The following PTPRG variants were observed in gnomAD, a reference collection of about 807,000 sequenced individuals.
The protein encoded by PTPRG is protein tyrosine phosphatase receptor type G.
Under a neutral mutation model 165.3 loss-of-function variants are expected in PTPRG, and 102 were observed. The ratio of observed to expected loss-of-function variants is 0.62; its 90% CI spans 0.53 to 0.73. The LOEUF is 0.73. Among genes scored for constraint, PTPRG ranks in the 30% least tolerant of loss-of-function variants. PTPRG has a pLI of 0.00. For missense variants in PTPRG, 1,866 were observed against 1,861.4 expected, an observed-to-expected ratio of 1.00 and a Z score of -0.05; for synonymous variants, 675 against 669.5, an observed-to-expected ratio of 1.01 and a Z score of -0.13.
At chr3:61,870,231 G>C (rs1352144624) in intron 2 of PTPRG, among the ~76,000 whole-genome samples, 1 of 151,810 alleles carries the variant, frequency 6.6e-6, no homozygotes, top group Non-Finnish European at 1.5e-5. Flanking sequence ...TAGCTTTTCT[G>C]TTGGGGAACT....
At chr3:62,002,872 T>C (rs2041207504) in intron 3 of PTPRG, among the ~76,000 whole-genome samples, 1 of 152,216 alleles carries the variant, frequency 6.6e-6, no homozygotes, top group Non-Finnish European at 1.5e-5. Flanking sequence ...TTTCCTGATA[T>C]CTTGCCTACA....
chr3:61,830,508 A>T (rs1252921901), intron 2 of PTPRG, among the ~76,000 whole-genome samples: 1 of 148,058 alleles, frequency 6.8e-6, no homozygotes, highest in Non-Finnish European at 1.5e-5. Context: ...CAATGTTCTC[A>T]TCTTTGAATC....
At chr3:61,597,816 TGTTA>T (rs1700741570) in intron 1 of PTPRG, among the ~76,000 whole-genome samples, 2 of 152,258 alleles carry the variant, frequency 1.3e-5, no homozygotes, top group Admixed American at 6.5e-5. Context: ...GAGTGATTTG[TGTTA>T]GTTGTCATTA....
At chr3:61,986,682 G>A (rs865855435) in intron 2 of PTPRG, among the ~76,000 whole-genome samples, 7 of 152,052 alleles carry the variant, frequency 4.6e-5, no homozygotes, top group Admixed American at 2.0e-4. Context: ...TTGAGAACAC[G>A]GACTTGTGTA....
At chr3:61,965,037 G>A (rs1042634964) in intron 2 of PTPRG, among the ~76,000 whole-genome samples, 2 of 152,160 alleles carry the variant, frequency 1.3e-5, no homozygotes, top group Non-Finnish European at 2.9e-5. Context: ...GAGGTCAGGA[G>A]TCCGAGACCA....
At chr3:62,042,457 C>T (rs536893414) in intron 4 of PTPRG, among the ~76,000 whole-genome samples, 1 of 152,302 alleles carries the variant, frequency 6.6e-6, no homozygotes, top group African/African-American at 2.4e-5. Context: ...AGACTTATTT[C>T]AGGTATTACT....
intron 1 of PTPRG, among the ~76,000 whole-genome samples, chr3:61,672,730 T>C (rs75090275): frequency 0.096 from 5,723 of 59,414 alleles, 260 homozygotes; most frequent in African/African-American, 0.22. Flanking sequence ...AGAGGGAGAC[T>C]GTGGGGAGAG....
At chr3:61,845,918 T>A (rs2036793571) in intron 2 of PTPRG, among the ~76,000 whole-genome samples, 1 of 152,126 alleles carries the variant, frequency 6.6e-6, no homozygotes. Flanking sequence ...ACCTGATAGG[T>A]GCTTGGTGAA....
chr3:62,017,670 C>T (rs1045919950), intron 4 of PTPRG, among the ~76,000 whole-genome samples: 2 of 151,354 alleles, frequency 1.3e-5, no homozygotes, highest in South Asian at 2.1e-4. Flanking sequence ...GTGATCCGCC[C>T]GCCTCGGCCT....
intron 8 of PTPRG, among the ~76,000 whole-genome samples, chr3:62,182,568 C>G (rs1158828330): frequency 6.6e-6 from 1 of 152,224 alleles, no homozygotes; most frequent in Non-Finnish European, 1.5e-5. Context: ...GGGTCAGGAG[C>G]ATGACAACAT....
chr3:61,816,353 A>C (rs2035762012), intron 2 of PTPRG, among the ~76,000 whole-genome samples: 1 of 152,142 alleles, frequency 6.6e-6, no homozygotes, highest in African/African-American at 2.4e-5. Flanking sequence ...AACATGGCGA[A>C]ACTCCATCTC....
chr3:61,775,794 G>A (rs575938499), intron 2 of PTPRG, among the ~76,000 whole-genome samples: 66 of 151,994 alleles, frequency 4.3e-4, no homozygotes, highest in Middle Eastern at 6.8e-3. Flanking sequence ...GGATGAAGCC[G>A]GAAACCATCA....
intron 16 of PTPRG, among the ~76,000 whole-genome samples, chr3:62,257,568 C>T (rs562164997): frequency 2.0e-5 from 3 of 152,188 alleles, no homozygotes; most frequent in Non-Finnish European, 4.4e-5. Flanking sequence ...CTGTGGGTGG[C>T]TACATTTTGA....
intron 4 of PTPRG, among the ~76,000 whole-genome samples, chr3:62,074,632 T>C (rs1053334392): frequency 3.3e-5 from 5 of 152,152 alleles, no homozygotes; most frequent in Non-Finnish European, 7.3e-5. Context: ...TGAGCCACAT[T>C]GCACCTGGCC....
At chr3:61,797,479 A>G (rs887702447) in intron 2 of PTPRG, among the ~76,000 whole-genome samples, 2 of 152,102 alleles carry the variant, frequency 1.3e-5, no homozygotes, top group Non-Finnish European at 2.9e-5. Context: ...GTTGATACAA[A>G]CATCACTATG....
chr3:61,847,059 C>T (rs966113016), intron 2 of PTPRG, among the ~76,000 whole-genome samples: 1 of 152,084 alleles, frequency 6.6e-6, no homozygotes, highest in Non-Finnish European at 1.5e-5. Context: ...GAGTTGTTTC[C>T]CCTTTCCCCC....
At chr3:61,865,042 A>G (rs1200262198) in intron 2 of PTPRG, among the ~76,000 whole-genome samples, 1 of 152,150 alleles carries the variant, frequency 6.6e-6, no homozygotes, top group African/African-American at 2.4e-5. Context: ...CCTAGGCTGC[A>G]TGTTCAAGCA....
intron 1 of PTPRG, among the ~76,000 whole-genome samples, chr3:61,624,211 T>C (rs1701542455): frequency 6.6e-6 from 1 of 152,156 alleles, no homozygotes; most frequent in Admixed American, 6.5e-5. Flanking sequence ...ACTTAATAGC[T>C]GCGAACCGGA....
chr3:61,881,947 A>G (rs1247875870), intron 2 of PTPRG, among the ~76,000 whole-genome samples: 1 of 152,170 alleles, frequency 6.6e-6, no homozygotes, highest in African/African-American at 2.4e-5. Context: ...TCCAGTCATC[A>G]TGTATATAAC....
Sources: allele counts gnomAD v4.1 joint callset (sites outside exome capture counted in the v4.1 genomes callset), GRCh38; gene constraint gnomAD v4.1.1; transcripts MANE v1.5; gene names NCBI Gene and HGNC (gene_info 2026-07-23, HGNC 2026-07-21).